Variants in NRSN2 observed in about 807,000 individuals in gnomAD.
NRSN2 encodes the protein neurensin 2, also known as neurensin-2.
In NRSN2, 10 loss-of-function variants were observed where a neutral mutation model predicts 11.1. The observed-to-expected ratio is 0.90, with a 90% CI of 0.56 to 1.53. NRSN2 has a LOEUF of 1.53. NRSN2 is among the 40% of genes most tolerant of loss of function. The pLI, the probability that NRSN2 is intolerant of heterozygous loss-of-function variation, is 0.00. For missense variants in NRSN2, 260 were observed against 273.7 expected (o/e 0.95, Z 0.35); for synonymous variants, 100 against 117.0 (o/e 0.86, Z 0.94).
chr20:349,687 C>G lies in NRSN2; in HGVS notation c.44C>G (p.Pro15Arg). The change falls in exon 4 of 5, where the codon CCC becomes CGC. Residue 15 changes from proline (P) to arginine (R), a missense_variant. Pro to Arg is a moderately radical substitution (Grantham distance 103, BLOSUM62 -2). Transcript: ENST00000382285. ...CGTTCCTGCAGCTGCAGCCGCGGCC[C>G]CAGCGTGGAGGATGGCAAGTGGTAT... ...CNRSCSCSRGPSVEDGKWYGV... is the reference protein window; with the variant it reads ...CNRSCSCSRGRSVEDGKWYGV... The G allele has an allele frequency of 6.2e-7, 1 of 1,613,158 alleles. No individual in the cohort carries two copies. The highest frequency in any genetic ancestry group is 8.5e-7 in the Non-Finnish European group (1 of 1,179,970).
chr20:353,875 C>T lies in NRSN2; in HGVS notation c.*240C>T. On this transcript the variant is annotated 3_prime_UTR_variant, in exon 5 of 5. Transcript: ENST00000382285. ...CCTACCCACACCCTCTTCCCAAGGC[C>T]CTCAGGGGCAGAAAACATCTCCTTC... 4 of 543,688 alleles carry T rather than the reference C, an allele frequency of 7.4e-6. No homozygotes were observed. Among genetic ancestry groups the T allele is most frequent in the South Asian group, 2.5e-5 (1 of 40,000 alleles). 33.7% of individuals were successfully genotyped at this position (543,688 alleles called of 1,614,324 possible). A position where few individuals can be genotyped will look rare whatever the true frequency, so the allele number is the denominator to read the frequency against.
chr20:352,020 C>G (rs370017715), intron 4 of NRSN2, among the ~76,000 whole-genome samples: 3 of 152,200 alleles, frequency 2.0e-5, no homozygotes, highest in African/African-American at 4.8e-5. Flanking sequence ...GAAGTCCTGA[C>G]AAGCATTGTG....
At chr20:352,501 ATCT>A (rs766523839) in intron 4 of NRSN2, among the ~76,000 whole-genome samples, 16 of 152,196 alleles carry the variant, frequency 1.1e-4, no homozygotes, top group Admixed American at 7.2e-4. Context: ...ATTTTTAAGC[ATCT>A]TCTTATTGCG....
chr20:348,254 A>T (rs2013608337), intron 2 of NRSN2: 1 of 150,630 alleles, frequency 6.6e-6, no homozygotes, highest in Admixed American at 6.6e-5. Flanking sequence ...TCCTCCGGCG[A>T]GCCCTCCTCT....
At chr20:348,717 T>C (rs563918386) in intron 2 of NRSN2, among the ~76,000 whole-genome samples, 1 of 152,012 alleles carries the variant, frequency 6.6e-6, no homozygotes, top group East Asian at 1.9e-4. Flanking sequence ...AGGCTGCTAA[T>C]TAAGGCTGAG....
intron 2 of NRSN2, among the ~76,000 whole-genome samples, chr20:348,825 A>G (rs1274040123): frequency 4.0e-5 from 6 of 150,440 alleles, no homozygotes; most frequent in Admixed American, 2.0e-4. Context: ...AGTACCTTCC[A>G]TTCCCAAGAT....
rs562270433 is a variant in NRSN2, at chr20:353,326, T to C, written c.306T>C (p.Asp102=). ...GTGAGGGTGAGTTCCTGGTGTTGGATCAGCGGGCAGCCGACTACAACCAGG... is the reference window on the plus strand; with the variant it reads ...GTGAGGGTGAGTTCCTGGTGTTGGACCAGCGGGCAGCCGACTACAACCAGG... ...GIGEGEFLVL[D]QRAADYNQAL... The change falls in exon 5 of 5, where the codon GAT becomes GAC. Residue 102 remains aspartate (D), a synonymous_variant. Coordinates refer to ENST00000382285, the MANE Select transcript of NRSN2 (RefSeq NM_001323682.2). The C allele has an allele frequency of 3.2e-4, 515 of 1,613,960 alleles. 9 individuals are homozygous for C. The South Asian group carries it at 5.4e-3, about 17-fold the overall frequency.
At position 349,590 on chromosome 20, in the gene NRSN2, C is replaced by T. The variant is rs1453970701; in HGVS notation, c.-6-48C>T. 1.5e-5 allele frequency: 22 copies of T among 1,504,540 alleles called. No homozygotes were observed. In the East Asian group the frequency reaches 4.1e-4, roughly 28 times the overall value. 93.2% of individuals were successfully genotyped at this position (1,504,540 alleles called of 1,614,324 possible). ...GGCTTATGAAGGTCACCATGAGCAG[C>T]TCCCACTAATCCCTCCCTCCGTCAG... On this transcript the variant is annotated intron_variant, in intron 3 of 4. Transcript: ENST00000382285.
In NRSN2 at chr20:353,249, G is replaced by A; in HGVS notation, c.229G>A (p.Val77Met). 3 of 1,614,070 alleles carry A rather than the reference G, an allele frequency of 1.9e-6. No individual in the cohort carries two copies. Among genetic ancestry groups the A allele is most frequent in the Non-Finnish European group, 2.5e-6 (3 of 1,180,018 alleles). ...GGGGACCCTGCTTCTGCTGCTGGGT[G>A]TGGCGGCTCTGACCACTGGCTATGC... ...SSGTLLLLLG[V>M]AALTTGYAVP... The change falls in exon 5 of 5, where the codon GTG (valine) becomes ATG (methionine). Residue 77 changes from valine (V) to methionine (M), a missense_variant. Physicochemically the swap from Val to Met is conservative, Grantham distance 21 (BLOSUM62 1). Transcript: ENST00000382285.
At chr20:350,239 C>T (rs767159347) in intron 4 of NRSN2, among the ~76,000 whole-genome samples, 3 of 151,934 alleles carry the variant, frequency 2.0e-5, no homozygotes, top group South Asian at 2.1e-4. Context: ...CTTTGGTAGG[C>T]GGAGGCTGAG....
In NRSN2 at chr20:353,233, G is replaced by A; in HGVS notation, c.213G>A (p.Leu71=). The A allele has an allele frequency of 6.2e-7, 1 of 1,614,026 alleles. No individual in the cohort carries two copies. The highest frequency in any genetic ancestry group is 8.5e-7 in the Non-Finnish European group (1 of 1,180,002). ...CWKISLSSGT[L]LLLLGVAALT... is the part of the protein sequence containing the mutation. ...AGATCAGCCTGTCCTCGGGGACCCT[G>A]CTTCTGCTGCTGGGTGTGGCGGCTC... is the stretch of plus-strand genomic sequence containing the variant. The change falls in exon 5 of 5, where the codon CTG becomes CTA. Residue 71 remains leucine, a synonymous_variant. Coordinates refer to ENST00000382285, the MANE Select transcript of NRSN2 (RefSeq NM_001323682.2).
chr20:353,784 C>G lies in NRSN2; in HGVS notation c.*149C>G. 1 of 848,752 alleles carries G rather than the reference C, an allele frequency of 1.2e-6. No individual in the cohort carries two copies. Among genetic ancestry groups the G allele is most frequent in the African/African-American group, 1.7e-5 (1 of 58,200 alleles). The allele number at this position is 848,752 out of a possible 1,614,324, so 52.6% of individuals were successfully genotyped here. ...AATCTGGAGCTCAAATCCCAGTGCT[C>G]CCTCCCCAGGAGTGGGGCCCCAACT... On this transcript the variant is annotated 3_prime_UTR_variant, in exon 5 of 5. Transcript: ENST00000382285.
intron 4 of NRSN2, among the ~76,000 whole-genome samples, chr20:350,646 C>CAAAAAAAAAAAA (rs56188179): frequency 3.8e-4 from 15 of 39,402 alleles, no homozygotes; most frequent in Admixed American, 1.7e-3. Context: ...GACTCTGTCT[C>CAAAAAAAAAAAA]AAAAAAAAAA....
rs563427751 is a variant in NRSN2 at position 353,154 on chromosome 20, G to A, written c.190-56G>A. On this transcript the variant is annotated intron_variant, in intron 4 of 4. Transcript: ENST00000382285. ...TGGTGAGGATCCAAGGTGATCCCTTGGCCAGGGGCCCCTGGCTGACCCTGA... is the reference window on the plus strand; with the variant it reads ...TGGTGAGGATCCAAGGTGATCCCTTAGCCAGGGGCCCCTGGCTGACCCTGA... 1.6e-5 allele frequency: 24 copies of A among 1,546,890 alleles called. 1 individual carries two copies. In the African/African-American group the frequency reaches 2.2e-4, roughly 14 times the overall value.
Position 353,466 on chromosome 20 carries a change from A to C in NRSN2, c.446A>C (p.Glu149Ala), listed in dbSNP as rs550193042. Reference protein sequence around the residue: ...IGWLSQDTKAEPLDPEADSHV... With the variant: ...IGWLSQDTKAAPLDPEADSHV... The stretch of plus-strand genomic sequence containing the variant: ...TGGCTGAGCCAGGACACCAAGGCAG[A>C]GCCCTTGGACCCCGAAGCCGACAGC... Residue 149 changes from glutamate to alanine, a missense_variant, in exon 5 of 5, where the codon GAG (glutamate) becomes GCG (alanine). Coordinates refer to ENST00000382285, the MANE Select transcript of NRSN2 (RefSeq NM_001323682.2). The C allele has an allele frequency of 2.6e-5, 42 of 1,614,118 alleles. No homozygotes were observed. In the South Asian group the frequency reaches 4.5e-4, roughly 17 times the overall value.
Position 349,736 on chromosome 20 carries a change from C to T in NRSN2, c.93C>T (p.Leu31=). The change falls in exon 4 of 5, where the codon CTC becomes CTT. Residue 31 remains leucine, a synonymous_variant. Transcript: ENST00000382285. ...KWYGVRSYLH[L]FYEDCAGTAL... ...ATGGGGTCCGCTCCTACCTGCACCTCTTCTATGAGGACTGTGCAGGCACTG... is the reference window on the plus strand; with the variant it reads ...ATGGGGTCCGCTCCTACCTGCACCTTTTCTATGAGGACTGTGCAGGCACTG... The T allele has an allele frequency of 6.2e-7, 1 of 1,613,548 alleles. No individual in the cohort carries two copies. The highest frequency in any genetic ancestry group is 8.5e-7 in the Non-Finnish European group (1 of 1,180,002).
At chr20:348,855 A>G (rs1241119339) in intron 2 of NRSN2, among the ~76,000 whole-genome samples, 1 of 144,756 alleles carries the variant, frequency 6.9e-6, no homozygotes, top group Non-Finnish European at 1.5e-5. Context: ...CTTTTGTGGA[A>G]AAAAAAAAAA....
chr20:348,484 CGTGTGT>C (rs57559955), intron 2 of NRSN2: 1,320 of 81,300 alleles, frequency 0.016, 11 homozygotes, highest in Non-Finnish European at 0.018. Flanking sequence ...AACCTCCAAC[CGTGTGT>C]GTGTGTGTGT....
At chr20:351,088 G>A (rs1184297224) in intron 4 of NRSN2, among the ~76,000 whole-genome samples, 1 of 152,192 alleles carries the variant, frequency 6.6e-6, no homozygotes, top group Non-Finnish European at 1.5e-5. Flanking sequence ...AATTAGCTGG[G>A]TGTGGTGATG....
Sources: allele counts gnomAD v4.1 joint callset (sites outside exome capture counted in the v4.1 genomes callset), GRCh38; gene constraint gnomAD v4.1.1; transcripts MANE v1.5; gene names NCBI Gene and HGNC (gene_info 2026-07-23, HGNC 2026-07-21).